Variants in TRPS1 observed in about 807,000 individuals in gnomAD.
TRPS1 encodes transcriptional repressor GATA binding 1.
TRPS1 carries 6 observed loss-of-function variants against 101.2 expected under a neutral mutation model. That is an observed-to-expected ratio of 0.06 (90% CI 0.03 to 0.12). The LOEUF is 0.12. Among genes scored for constraint, TRPS1 ranks in the 10% least tolerant of loss-of-function variants. The pLI is 1.00. For missense variants in TRPS1, 1,363 were observed against 1,567.0 expected (o/e 0.87, Z 2.20); for synonymous variants, 578 against 589.8 (o/e 0.98, Z 0.29).
At chr8:115,469,547 C>T (rs866786189) in intron 5 of TRPS1, among the ~76,000 whole-genome samples, 4 of 151,908 alleles carry the variant, frequency 2.6e-5, no homozygotes, top group Non-Finnish European at 5.9e-5. Context: ...CACCCAGGCT[C>T]GAGTGCAGTG....
intron 5 of TRPS1, among the ~76,000 whole-genome samples, chr8:115,502,275 A>T (rs1355254221): frequency 6.6e-6 from 1 of 152,160 alleles, no homozygotes; most frequent in Non-Finnish European, 1.5e-5. Context: ...AAAGATAGAG[A>T]AGGCCAACAA....
intron 5 of TRPS1, among the ~76,000 whole-genome samples, chr8:115,437,981 T>G (rs1432569288): frequency 1.3e-5 from 2 of 152,196 alleles, no homozygotes; most frequent in African/African-American, 4.8e-5. Context: ...CATATGTGTT[T>G]TATGAGGTTA....
At chr8:115,518,903 T>C (rs1815788992) in intron 5 of TRPS1, among the ~76,000 whole-genome samples, 1 of 151,824 alleles carries the variant, frequency 6.6e-6, no homozygotes, top group Non-Finnish European at 1.5e-5. Flanking sequence ...ATGTTGGTCA[T>C]GAACATCACT....
intron 5 of TRPS1, among the ~76,000 whole-genome samples, chr8:115,475,076 G>A (rs1814566305): frequency 1.3e-5 from 2 of 151,754 alleles, no homozygotes; most frequent in Admixed American, 1.3e-4. Flanking sequence ...AGAGGATTAA[G>A]TGAAAAACCA....
chr8:115,631,453 C>T (rs926106344), intron 1 of TRPS1, among the ~76,000 whole-genome samples: 3 of 152,048 alleles, frequency 2.0e-5, no homozygotes, highest in Non-Finnish European at 4.4e-5. Context: ...TGCAACACAT[C>T]TGAGGCTCAT....
intron 5 of TRPS1, among the ~76,000 whole-genome samples, chr8:115,576,189 T>A (rs999212677): frequency 1.3e-5 from 2 of 152,066 alleles, no homozygotes; most frequent in African/African-American, 4.8e-5. Context: ...ATACAATTTT[T>A]GAAGCTTTCA....
intron 5 of TRPS1, among the ~76,000 whole-genome samples, chr8:115,419,264 T>C (rs1451855116): frequency 6.6e-6 from 1 of 152,132 alleles, no homozygotes; most frequent in African/African-American, 2.4e-5. Flanking sequence ...TATTGCTTGT[T>C]CCATTCTTGC....
chr8:115,625,747 T>C (rs569946887), intron 1 of TRPS1, among the ~76,000 whole-genome samples: 2 of 152,082 alleles, frequency 1.3e-5, no homozygotes, highest in East Asian at 3.9e-4. Flanking sequence ...TGTGTGTGCA[T>C]ATATATGTAC....
chr8:115,452,969 G>A (rs1813915596), intron 5 of TRPS1, among the ~76,000 whole-genome samples: 1 of 152,102 alleles, frequency 6.6e-6, no homozygotes, highest in African/African-American at 2.4e-5. Context: ...AAAAAGCTCA[G>A]TGAGCATTTG....
At chr8:115,493,697 A>G (rs1815084640) in intron 5 of TRPS1, among the ~76,000 whole-genome samples, 1 of 152,184 alleles carries the variant, frequency 6.6e-6, no homozygotes, top group Non-Finnish European at 1.5e-5. Flanking sequence ...ACTATCATCA[A>G]TTTATATTGT....
At chr8:115,638,737 C>T (rs1818826605) in intron 1 of TRPS1, among the ~76,000 whole-genome samples, 1 of 152,074 alleles carries the variant, frequency 6.6e-6, no homozygotes, top group South Asian at 2.1e-4. Context: ...GGGTTTTTAC[C>T]CTTTTTTTTG....
chr8:115,563,385 C>T (rs1211456434), intron 5 of TRPS1, among the ~76,000 whole-genome samples: 1 of 152,014 alleles, frequency 6.6e-6, no homozygotes, highest in African/African-American at 2.4e-5. Context: ...TAACCCCTTA[C>T]AAAATACTTA....
rs2129729067 is a variant in TRPS1 at position 115,411,176 on chromosome 8, C to T, written c.*2847G>A. ...AAGTATGGAATAAGATCTATCGTGT[C>T]AACGCTATCCAAAAATATTCTACTA... On this transcript the variant is annotated 3_prime_UTR_variant, in exon 7 of 7. Transcript: ENST00000395715. 6.6e-6 allele frequency: 1 copy of T among 152,080 alleles called. No homozygotes were observed. Among genetic ancestry groups the T allele is most frequent in the South Asian group, 2.1e-4 (1 of 4,802 alleles). The allele number at this position is 152,080 out of a possible 1,614,324, so 9.4% of individuals were successfully genotyped here.
Position 115,558,089 on chromosome 8 carries a change from G to T in TRPS1, c.2700+28912C>A, listed in dbSNP as rs545291724. Among the ~76,000 whole-genome samples the T allele has an allele frequency of 9.8e-5, 14 of 142,924 alleles. No individual in the cohort carries two copies. In the East Asian group the frequency reaches 2.8e-3, roughly 29 times the overall value. The allele number at this position is 142,924 out of a possible 152,430, so 93.8% of individuals were successfully genotyped here. A position where few individuals can be genotyped will look rare whatever the true frequency, so the allele number is the denominator to read the frequency against. On this transcript the variant is annotated intron_variant, in intron 5 of 6. Transcript: ENST00000395715. ...CTAAGCTCAATTCACAAAACAGACAGGAAAAAAAAAAAAAAGGCTTTGCAT... is the reference window on the plus strand; with the variant it reads ...CTAAGCTCAATTCACAAAACAGACATGAAAAAAAAAAAAAAGGCTTTGCAT...
chr8:115,615,145 C>T (rs1818249649), intron 3 of TRPS1, among the ~76,000 whole-genome samples: 1 of 152,060 alleles, frequency 6.6e-6, no homozygotes, highest in African/African-American at 2.4e-5. Context: ...CATTAAGGGC[C>T]AAAATAAATT....
intron 5 of TRPS1, among the ~76,000 whole-genome samples, chr8:115,548,833 G>T (rs1816639126): frequency 1.3e-5 from 2 of 152,130 alleles, no homozygotes; most frequent in African/African-American, 4.8e-5. Context: ...GTCTTATTCA[G>T]AATGCCTGTC....
chr8:115,577,470 AT>A (rs1447736139), intron 5 of TRPS1, among the ~76,000 whole-genome samples: 1 of 152,150 alleles, frequency 6.6e-6, no homozygotes, highest in Non-Finnish European at 1.5e-5. Context: ...AATAATAAAA[AT>A]ATTCTATAGT....
intron 5 of TRPS1, among the ~76,000 whole-genome samples, chr8:115,573,223 G>T (rs1410898240): frequency 6.6e-6 from 1 of 152,074 alleles, no homozygotes; most frequent in Non-Finnish European, 1.5e-5. Flanking sequence ...TCACTAGCTG[G>T]GTGACTTTTG....
chr8:115,518,242 A>C, intron 5 of TRPS1, among the ~76,000 whole-genome samples: 1 of 151,792 alleles, frequency 6.6e-6, no homozygotes, highest in East Asian at 1.9e-4. Flanking sequence ...ATCACACACC[A>C]ATAATGAGTT....
Sources: gnomAD v4.1 joint callset for allele counts (sites outside exome capture counted in the v4.1 genomes callset) on GRCh38, gnomAD v4.1.1 for gene constraint, MANE v1.5 for transcripts, NCBI Gene and HGNC (gene_info 2026-07-23, HGNC 2026-07-21) for gene names.